The following CES5A variants were observed in gnomAD, a reference collection of about 807,000 sequenced individuals.
CES5A encodes the protein carboxylesterase 5A.
In CES5A, 67 loss-of-function variants were observed where a neutral mutation model predicts 62.9. The observed-to-expected ratio is 1.07, with a 90% CI of 0.88 to 1.31. CES5A has a LOEUF of 1.31. Ranked by LOEUF, CES5A falls within the 50% of genes most tolerant of loss-of-function variation. The pLI is 0.00. For synonymous variants in CES5A, 296 were observed against 280.8 expected, an observed-to-expected ratio of 1.05 and a Z score of -0.54; for missense variants, 748 against 708.5, an observed-to-expected ratio of 1.06 and a Z score of -0.63.
chr16:55,871,509 A>G, intron 3 of CES5A, 116 bp downstream of exon 3: 1 of 1,171,366 alleles, frequency 8.5e-7, no homozygotes, highest in Non-Finnish European at 1.2e-6. Context: ...ATGTGATTAC[A>G]TTTCCCTTTT....
intron 1 of CES5A, among the ~76,000 whole-genome samples, chr16:55,921,984 T>C (rs938677161): frequency 6.6e-6 from 1 of 151,988 alleles, no homozygotes; most frequent in East Asian, 1.9e-4. Context: ...ACTTGTTATA[T>C]CTATAAGATA....
At chr16:55,890,328 A>C (rs1277138895) in intron 1 of CES5A, among the ~76,000 whole-genome samples, 7 of 152,178 alleles carry the variant, frequency 4.6e-5, no homozygotes, top group African/African-American at 1.7e-4. Context: ...ATGAATATTC[A>C]GACATGATTG....
intron 1 of CES5A, among the ~76,000 whole-genome samples, chr16:55,883,284 T>C (rs77724363): frequency 6.6e-6 from 1 of 152,152 alleles, no homozygotes; most frequent in South Asian, 2.1e-4. Context: ...TGTTTTGTTT[T>C]GTTTCGTTTT....
chr16:55,889,743 C>G (rs749179212), intron 1 of CES5A, among the ~76,000 whole-genome samples: 12 of 151,922 alleles, frequency 7.9e-5, no homozygotes, highest in Non-Finnish European at 1.5e-4. Flanking sequence ...CTTTCAATGT[C>G]TCTCCCTTAC....
intron 2 of CES5A, 39 bp downstream of exon 2, chr16:55,873,794 A>G: frequency 6.4e-7 from 1 of 1,567,264 alleles, no homozygotes; most frequent in East Asian, 2.3e-5. Context: ...TGCCACTCCC[A>G]GAGTCACAAA....
chr16:55,946,436 C>T (rs1304441498), intron 2 of CES5A, among the ~76,000 whole-genome samples: 1 of 152,168 alleles, frequency 6.6e-6, no homozygotes, highest in South Asian at 2.1e-4. Flanking sequence ...TAAATCCTGT[C>T]GATCCTTGTT....
intron 1 of CES5A, among the ~76,000 whole-genome samples, chr16:55,923,009 C>T (rs2034223696): frequency 6.6e-6 from 1 of 151,288 alleles, no homozygotes; most frequent in South Asian, 2.1e-4. Context: ...GAAAATACAA[C>T]ATAACTATAT....
chr16:55,860,802 C>G (rs1264538894), intron 7 of CES5A, among the ~76,000 whole-genome samples: 1 of 152,154 alleles, frequency 6.6e-6, no homozygotes, highest in Non-Finnish European at 1.5e-5. Context: ...ACATTCAGTA[C>G]ACACCACATA....
At chr16:55,926,335 C>T (rs1357116378), upstream of CES5A, among the ~76,000 whole-genome samples, 1 of 152,078 alleles carries the variant, frequency 6.6e-6, no homozygotes, top group Admixed American at 6.5e-5. Context: ...GGGACTTCAA[C>T]AAAAGTTGTG....
intron 2 of CES5A, among the ~76,000 whole-genome samples, chr16:55,941,122 T>A (rs1190353579): frequency 6.6e-6 from 1 of 152,136 alleles, no homozygotes; most frequent in African/African-American, 2.4e-5. Context: ...TGCTCCTTTT[T>A]AATATTGTAC....
chr16:55,955,937 A>C, exon 1 of CES5A: 1 of 1,523,574 alleles, frequency 6.6e-7, no homozygotes, highest in Non-Finnish European at 8.8e-7. Context: ...GCTGGCCTTG[A>C]CACAGAGCCC....
At chr16:55,859,942 T>C (rs1265951928) in intron 7 of CES5A, among the ~76,000 whole-genome samples, 3 of 152,208 alleles carry the variant, frequency 2.0e-5, no homozygotes, top group Admixed American at 6.5e-5. Flanking sequence ...AATAATAATA[T>C]CTACCAAGAA....
chr16:55,930,970 C>G (rs1238515245), intron 2 of CES5A, among the ~76,000 whole-genome samples: 1 of 152,160 alleles, frequency 6.6e-6, no homozygotes, highest in Non-Finnish European at 1.5e-5. Context: ...TGCCTGAAAT[C>G]CCACCACCAG....
chr16:55,889,398 T>C (rs77235127), intron 1 of CES5A, among the ~76,000 whole-genome samples: 50 of 152,302 alleles, frequency 3.3e-4, no homozygotes, highest in African/African-American at 1.2e-3. Context: ...TTACCAGCTA[T>C]AAATTGGGAT....
At chr16:55,950,938 T>C (rs1156663272) in intron 1 of CES5A, among the ~76,000 whole-genome samples, 4 of 151,342 alleles carry the variant, frequency 2.6e-5, no homozygotes, top group Admixed American at 2.0e-4. Flanking sequence ...CCATCTCTAC[T>C]AAAAATACAA....
intron 1 of CES5A, chr16:55,925,250 A>G (rs531785323): frequency 6.6e-6 from 1 of 152,262 alleles, no homozygotes; most frequent in Admixed American, 6.5e-5. Flanking sequence ...CAACAAGTAT[A>G]TGAAAAACAA....
At chr16:55,857,285 C>A (rs1301203228) in intron 8 of CES5A, among the ~76,000 whole-genome samples, 1 of 152,160 alleles carries the variant, frequency 6.6e-6, no homozygotes, top group Non-Finnish European at 1.5e-5. Context: ...GAGAACTGAG[C>A]GAGTTGATAT....
intron 9 of CES5A, among the ~76,000 whole-genome samples, chr16:55,854,546 T>TC (rs1274240437): frequency 1.2e-5 from 1 of 85,172 alleles, no homozygotes; most frequent in African/African-American, 5.0e-5. Context: ...TTTTTTTTCT[T>TC]TTTTTTTTTT....
At chr16:55,948,436 G>T (rs1293595523) in intron 2 of CES5A, among the ~76,000 whole-genome samples, 1 of 152,092 alleles carries the variant, frequency 6.6e-6, no homozygotes, top group Admixed American at 6.5e-5. Context: ...GGAAGAAGTC[G>T]AATATAAATT....
Sources: allele counts gnomAD v4.1 joint callset (sites outside exome capture counted in the v4.1 genomes callset), GRCh38; gene constraint gnomAD v4.1.1; transcripts MANE v1.5; gene names NCBI Gene and HGNC (gene_info 2026-07-23, HGNC 2026-07-21).